PARP15: variants seen among roughly 807,000 people sequenced by gnomAD.
PARP15 encodes the protein protein mono-ADP-ribosyltransferase PARP15.
A neutral mutation model predicts 62.1 loss-of-function variants in PARP15; 50 were observed. The observed-to-expected ratio is 0.81, with a 90% CI of 0.64 to 1.02. The LOEUF is 1.02. Ranked by LOEUF, PARP15 falls within the 50% of genes least tolerant of loss-of-function variation. The probability of loss-of-function intolerance (pLI) is 0.00; values close to 1 mark genes in which losing one functional copy is unlikely to be tolerated. For synonymous variants in PARP15, 309 were observed against 293.1 expected (o/e 1.05, Z -0.55); for missense variants, 820 against 826.5 (o/e 0.99, Z 0.10).
chr3:122,613,202 G>T lies in PARP15; in HGVS notation c.705G>T (p.Arg235Ser). 1 of 1,551,848 alleles carries T rather than the reference G, an allele frequency of 6.4e-7. No individual in the cohort carries two copies. Among genetic ancestry groups the T allele is most frequent in the Admixed American group, 2.0e-5 (1 of 51,012 alleles). The stretch of plus-strand genomic sequence containing the variant: ...TGTTCGAATACAGTAGCAGCACAAG[G>T]CCGATAACTAGCCCTTTACAAGAAG... ...SEVFEYSSST[R>S]PITSPLQEVH... is the part of the protein sequence containing the mutation. Residue 235 changes from arginine (R) to serine (S), a missense_variant, in exon 4 of 12, where the codon AGG becomes AGT. Around this residue, in one of 3 missense-constraint regions of PARP15, gnomAD observed 731 missense variants for 727.7 expected, o/e 1.00. Transcript: ENST00000464300.
chr3:122,588,581 C>T (rs1304874624), intron 1 of PARP15, among the ~76,000 whole-genome samples: 1 of 152,034 alleles, frequency 6.6e-6, no homozygotes, highest in African/African-American at 2.4e-5. Flanking sequence ...TCACTTGAGC[C>T]AGGGAGATTG....
chr3:122,636,889 C>G lies in PARP15; in HGVS notation c.*789C>G, dbSNP rs2650954. The G allele has an allele frequency of 0.22, 33,083 of 152,112 alleles. 4,444 individuals are homozygous for G. Among genetic ancestry groups the G allele is most frequent in the East Asian group, 0.48 (2,453 of 5,142 alleles). The allele number at this position is 152,112 out of a possible 1,614,324, so 9.4% of individuals were successfully genotyped here. A position where few individuals can be genotyped will look rare whatever the true frequency, so the allele number is the denominator to read the frequency against. Reference sequence around the variant, plus strand: ...ACGTTTCTGTCAGGTATTGGCAGTCCTCAGTTCCTCTCCTCTCAGGCCTCT... The same window carrying G: ...ACGTTTCTGTCAGGTATTGGCAGTCGTCAGTTCCTCTCCTCTCAGGCCTCT... On this transcript the variant is annotated 3_prime_UTR_variant, in exon 12 of 12. Transcript: ENST00000464300.
intron 4 of PARP15, among the ~76,000 whole-genome samples, chr3:122,613,695 A>T (rs753647154): frequency 7.2e-5 from 11 of 152,106 alleles, no homozygotes; most frequent in Non-Finnish European, 1.5e-4. Flanking sequence ...TCAGCAGTGG[A>T]GAAGCAGTCA....
At chr3:122,592,618 T>TAA (rs59791124) in intron 1 of PARP15, among the ~76,000 whole-genome samples, 1,604 of 146,874 alleles carry the variant, frequency 0.011, 22 homozygotes, top group African/African-American at 0.036. Context: ...AAATTAAAAT[T>TAA]AAAAAAAAAA....
intron 3 of PARP15, among the ~76,000 whole-genome samples, chr3:122,611,250 G>C (rs1406287919): frequency 6.6e-6 from 1 of 152,106 alleles, no homozygotes; most frequent in African/African-American, 2.4e-5. Flanking sequence ...ATATAAAAAA[G>C]TAATACAAAT....
chr3:122,580,523 ACAGTT>A (rs1700194978), intron 1 of PARP15, among the ~76,000 whole-genome samples: 1 of 152,326 alleles, frequency 6.6e-6, no homozygotes, highest in African/African-American at 2.4e-5. Flanking sequence ...TTTTAAGTAT[ACAGTT>A]CAGTAGTGTT....
chr3:122,595,028 C>G (rs996048498), intron 1 of PARP15, among the ~76,000 whole-genome samples: 5 of 152,264 alleles, frequency 3.3e-5, no homozygotes, highest in African/African-American at 1.2e-4. Flanking sequence ...GGTTATTCAG[C>G]TTTTAATGCA....
chr3:122,578,179 TG>T (rs927238428), intron 1 of PARP15, among the ~76,000 whole-genome samples: 2 of 152,042 alleles, frequency 1.3e-5, no homozygotes, highest in East Asian at 1.9e-4. Context: ...AGTTTGCTTA[TG>T]GGGGGCTTTT....
chr3:122,624,529 T>C (rs908592483), intron 8 of PARP15, among the ~76,000 whole-genome samples: 1 of 152,212 alleles, frequency 6.6e-6, no homozygotes, highest in African/African-American at 2.4e-5. Context: ...GAAGCTTAAG[T>C]GATCAGACTT....
chr3:122,621,675 C>A (rs931293652), intron 8 of PARP15, 64 bp downstream of exon 8: 1 of 1,439,708 alleles, frequency 6.9e-7, no homozygotes, highest in Non-Finnish European at 9.3e-7. Context: ...ATTAGTCTCA[C>A]TCTTAAGCAG....
chr3:122,605,337 T>A (rs1435694584), intron 1 of PARP15, among the ~76,000 whole-genome samples: 3 of 152,032 alleles, frequency 2.0e-5, no homozygotes, highest in Non-Finnish European at 4.4e-5. Context: ...CAGGGTACAT[T>A]TAAGTAGTAA....
intron 1 of PARP15, among the ~76,000 whole-genome samples, chr3:122,580,445 TTC>T (rs1178506797): frequency 1.3e-5 from 2 of 152,198 alleles, no homozygotes; most frequent in African/African-American, 4.8e-5. Context: ...TCTACCAAGT[TTC>T]TTTTTCTTTT....
chr3:122,610,613 G>A lies in PARP15; in HGVS notation c.426G>A (p.Arg142=). 6.4e-7 allele frequency: 1 copy of A among 1,551,692 alleles called. No individual in the cohort carries two copies. Among genetic ancestry groups the A allele is most frequent in the Non-Finnish European group, 8.7e-7 (1 of 1,146,992 alleles). The change falls in exon 3 of 12, where the codon CGG becomes CGA. Residue 142 remains arginine, a synonymous_variant. Transcript: ENST00000464300. The part of the protein sequence containing the change: ...MLQKELDDRR[R]ETEEKVGNIF... ...AGAAAGAGTTAGATGACAGAAGGCG[G>A]GAAACAGAGGAAAAAGTAGGTAACA...
In PARP15 at chr3:122,632,190, C is replaced by T. The variant is rs200031878; in HGVS notation, c.1543C>T (p.Arg515Ter). 1.3e-4 allele frequency: 205 copies of T among 1,613,348 alleles called. 1 individual carries two copies. The East Asian group carries it at 3.6e-3, about 29-fold the overall frequency. ...TAATACCATAAAGGACAAGTTCACCCGAACTTGTTCTTCCTACGCAATAGA... is the reference window on the plus strand; with the variant it reads ...TAATACCATAAAGGACAAGTTCACCTGAACTTGTTCTTCCTACGCAATAGA... ...EYNTIKDKFT[R>*]TCSSYAIEKI... Residue 515 changes from arginine to a stop codon, truncating the protein, a stop_gained, in exon 10 of 12, where the codon CGA becomes TGA. Transcript: ENST00000464300. LOFTEE classifies it high-confidence loss of function.
intron 1 of PARP15, among the ~76,000 whole-genome samples, chr3:122,592,141 A>G (rs1047748525): frequency 2.0e-5 from 3 of 152,378 alleles, no homozygotes; most frequent in South Asian, 2.1e-4. Flanking sequence ...ACATGCATAC[A>G]TATGTTCATT....
chr3:122,593,051 A>AAT (rs1934046422), intron 1 of PARP15, among the ~76,000 whole-genome samples: 1 of 147,310 alleles, frequency 6.8e-6, no homozygotes, highest in African/African-American at 2.7e-5. Context: ...AGTCACCTTG[A>AAT]ACATATATAT....
intron 1 of PARP15, among the ~76,000 whole-genome samples, chr3:122,582,726 G>T (rs1309682013): frequency 6.6e-6 from 1 of 151,720 alleles, no homozygotes; most frequent in East Asian, 1.9e-4. Context: ...AATTTTTTTG[G>T]CTATAATTTC....
Position 122,621,488 on chromosome 3 carries a change from T to C in PARP15, c.1108T>C (p.Leu370=). ...TTTTATAATTACACCAGGTGGATGCTTAAAGTGCAAAATAATAATTCATGT... is the reference window on the plus strand; with the variant it reads ...TTTTATAATTACACCAGGTGGATGCCTAAAGTGCAAAATAATAATTCATGT... ...RDFIITPGGC[L]KCKIIIHVPG... is the part of the protein sequence containing the mutation. Residue 370 remains leucine (L), a synonymous_variant, in exon 8 of 12, where the codon TTA becomes CTA. Coordinates refer to ENST00000464300, the MANE Select transcript of PARP15 (RefSeq NM_001113523.3). The C allele has an allele frequency of 2.5e-6, 4 of 1,613,962 alleles. No homozygotes were observed. Among genetic ancestry groups the C allele is most frequent in the Non-Finnish European group, 3.4e-6 (4 of 1,179,944 alleles).
chr3:122,586,393 A>C (rs997803193), intron 1 of PARP15, among the ~76,000 whole-genome samples: 2 of 151,964 alleles, frequency 1.3e-5, no homozygotes, highest in African/African-American at 4.8e-5. Context: ...AAGCTTTTTT[A>C]TAGATGAAGA....
Sources: allele counts gnomAD v4.1 joint callset (sites outside exome capture counted in the v4.1 genomes callset), GRCh38; gene constraint gnomAD v4.1.1; regional missense constraint gnomAD v4.1.1; transcripts MANE v1.5; gene names NCBI Gene and HGNC (gene_info 2026-07-23, HGNC 2026-07-21).